PVT1: variants seen among roughly 807,000 people sequenced by gnomAD.
PVT1 encodes the protein Pvt1 oncogene, also known as CXCR4/PVT1 fusion.
intron 3 of PVT1, among the ~76,000 whole-genome samples, chr8:127,916,861 T>G (rs1258817398): frequency 6.6e-6 from 1 of 152,180 alleles, no homozygotes; most frequent in Admixed American, 6.5e-5. Context: ...CTGGGTTGCA[T>G]GTTAGAGGCA....
At chr8:127,856,810 C>G (rs1815166237) in intron 2 of PVT1, among the ~76,000 whole-genome samples, 1 of 152,222 alleles carries the variant, frequency 6.6e-6, no homozygotes, top group Non-Finnish European at 1.5e-5. Flanking sequence ...CACAGCCAGT[C>G]AGGAGCAAGG....
In PVT1 at chr8:127,976,552, C is replaced by T. The variant is rs117198554; in HGVS notation, n.783-12610C>T. Among the ~76,000 whole-genome samples, 284 of 152,252 alleles carry T rather than the reference C, an allele frequency of 1.9e-3. 8 individuals carry two copies. The East Asian group carries it at 0.05, about 27-fold the overall frequency. On this transcript the variant is annotated intron_variant and non_coding_transcript_variant, in intron 3 of 10. Coordinates refer to ENST00000651587, the Ensembl canonical transcript of PVT1. ...AGTCACTCAGGAGGCTCTCTTGACC[C>T]CCTAGGGATTTGTGGAGTACAGTTG...
rs780890606 is a variant in PVT1 at position 127,961,235 on chromosome 8, C to G, written n.783-27927C>G. On this transcript the variant is annotated intron_variant and non_coding_transcript_variant, in intron 3 of 10. Transcript: ENST00000651587. The stretch of plus-strand genomic sequence containing the variant: ...GTGAGAGAGGGAGAGATTAGCATTT[C>G]AGAAAGCATGGCCTCTGCCATAGGA... 3.2e-4 allele frequency among the ~76,000 whole-genome samples: 49 copies of G among 152,182 alleles called. 2 individuals carry two copies. The highest frequency in any genetic ancestry group is 3.2e-4 in the Non-Finnish European group (22 of 68,034).
At chr8:127,959,054 G>C (rs1207980456) in intron 3 of PVT1, among the ~76,000 whole-genome samples, 1 of 151,924 alleles carries the variant, frequency 6.6e-6, no homozygotes, top group African/African-American at 2.4e-5. Flanking sequence ...GGGGTGGGGT[G>C]GGGTAGGTGG....
intron 5 of PVT1, among the ~76,000 whole-genome samples, chr8:128,095,410 C>T (rs753978134): frequency 2.6e-5 from 4 of 152,100 alleles, no homozygotes; most frequent in Admixed American, 6.6e-5. Flanking sequence ...GGTGAGCACT[C>T]GGCAAATACC....
At chr8:127,931,119 T>C (rs1807214441) in intron 3 of PVT1, among the ~76,000 whole-genome samples, 1 of 152,320 alleles carries the variant, frequency 6.6e-6, no homozygotes, top group Admixed American at 6.5e-5. Flanking sequence ...TTGCCCACGC[T>C]GGTCTCAAAC....
At chr8:127,889,102 T>G (rs1815566568) in intron 2 of PVT1, among the ~76,000 whole-genome samples, 4 of 149,578 alleles carry the variant, frequency 2.7e-5, no homozygotes, top group African/African-American at 4.9e-5. Flanking sequence ...CTTCCTTCCC[T>G]CCTTCCTTCC....
At chr8:127,857,087 G>C (rs866907057) in intron 2 of PVT1, among the ~76,000 whole-genome samples, 1 of 152,164 alleles carries the variant, frequency 6.6e-6, no homozygotes, top group South Asian at 2.1e-4. Context: ...TTAGCTGAGC[G>C]TGGTGGCAGG....
chr8:127,889,161 A>T (rs565197234), intron 2 of PVT1, among the ~76,000 whole-genome samples: 2 of 135,220 alleles, frequency 1.5e-5, no homozygotes, highest in East Asian at 4.4e-4. Context: ...ATAGAGTCTC[A>T]TTCTGTGGCC....
chr8:127,828,055 G>A (rs1814810784), intron 2 of PVT1, among the ~76,000 whole-genome samples: 1 of 152,132 alleles, frequency 6.6e-6, no homozygotes, highest in Non-Finnish European at 1.5e-5. Context: ...AATGAAAATA[G>A]CTTTATTGAT....
At chr8:127,851,462 G>A (rs1338839731) in intron 2 of PVT1, among the ~76,000 whole-genome samples, 1 of 152,162 alleles carries the variant, frequency 6.6e-6, no homozygotes, top group Non-Finnish European at 1.5e-5. Context: ...GAGGATAATA[G>A]TGTGGGCTTT....
chr8:128,069,951 G>A (rs1002770466), intron 4 of PVT1, among the ~76,000 whole-genome samples: 1 of 152,130 alleles, frequency 6.6e-6, no homozygotes, highest in African/African-American at 2.4e-5. Context: ...AAGAGGAGAT[G>A]AGGAGACAAA....
chr8:127,924,954 A>G (rs995558567), intron 3 of PVT1, among the ~76,000 whole-genome samples: 3 of 152,104 alleles, frequency 2.0e-5, no homozygotes, highest in Non-Finnish European at 4.4e-5. Flanking sequence ...GGCCAACACA[A>G]TTGTTCTTAA....
chr8:127,879,987 C>T (rs73357033), intron 2 of PVT1, among the ~76,000 whole-genome samples: 1,737 of 152,320 alleles, frequency 0.011, 39 homozygotes, highest in African/African-American at 0.039. Context: ...GGACATTGAA[C>T]GAGATTATTT....
intron 4 of PVT1, among the ~76,000 whole-genome samples, chr8:128,007,837 C>T (rs1817265282): frequency 6.6e-6 from 1 of 152,168 alleles, no homozygotes; most frequent in Admixed American, 6.5e-5. Context: ...AATGTCTTGC[C>T]CAGTGGACAC....
intron 2 of PVT1, among the ~76,000 whole-genome samples, chr8:127,829,714 G>A (rs1814829575): frequency 6.6e-6 from 1 of 152,174 alleles, no homozygotes; most frequent in Non-Finnish European, 1.5e-5. Context: ...TTACCTTTGC[G>A]GGTTGGCACA....
At position 128,027,576 on chromosome 8, in the gene PVT1, G is replaced by T. The variant is rs572828300; in HGVS notation, n.912+38285G>T. ...CAGAGTCAGTGATGGAATCACCAGGGAGCCCAGGCATCGTGTCTATGCTCT... is the reference window on the plus strand; with the variant it reads ...CAGAGTCAGTGATGGAATCACCAGGTAGCCCAGGCATCGTGTCTATGCTCT... On this transcript the variant is annotated intron_variant and non_coding_transcript_variant, in intron 4 of 10. Transcript: ENST00000651587. 5.9e-5 allele frequency among the ~76,000 whole-genome samples: 9 copies of T among 152,306 alleles called. No homozygotes were observed. In the East Asian group the frequency reaches 1.7e-3, roughly 29 times the overall value.
intron 3 of PVT1, among the ~76,000 whole-genome samples, chr8:127,910,442 GA>G: frequency 6.6e-6 from 1 of 152,304 alleles, no homozygotes; most frequent in East Asian, 1.9e-4. Flanking sequence ...GTGAAATCCT[GA>G]CCTGAAATGA....
chr8:127,923,393 C>T (rs946393574), intron 3 of PVT1, among the ~76,000 whole-genome samples: 1 of 152,186 alleles, frequency 6.6e-6, no homozygotes, highest in African/African-American at 2.4e-5. Flanking sequence ...AGTTGGATTC[C>T]AACATTCATC....
Sources: gnomAD v4.1 joint callset for allele counts (sites outside exome capture counted in the v4.1 genomes callset) on GRCh38, gnomAD v4.1.1 for gene constraint, MANE v1.5 for transcripts, NCBI Gene and HGNC (gene_info 2026-07-23, HGNC 2026-07-21) for gene names.